NFIB: variants seen among roughly 807,000 people sequenced by gnomAD.
NFIB encodes nuclear factor I B, also known as nuclear factor 1 B-type.
In NFIB, 11 loss-of-function variants were observed where a neutral mutation model predicts 61.5. The ratio of observed to expected loss-of-function variants is 0.18; its 90% CI spans 0.11 to 0.30. NFIB has a LOEUF of 0.30. Among genes scored for constraint, NFIB ranks in the 10% least tolerant of loss-of-function variants. The probability of loss-of-function intolerance (pLI) is 1.00; values close to 1 mark genes in which losing one functional copy is unlikely to be tolerated. For missense variants in NFIB, 471 were observed against 608.9 expected, an observed-to-expected ratio of 0.77 and a Z score of 2.38; for synonymous variants, 260 against 216.5, an observed-to-expected ratio of 1.20 and a Z score of -1.76.
At chr9:14,217,686 CAA>C (rs2051102022) in intron 2 of NFIB, among the ~76,000 whole-genome samples, 2 of 109,088 alleles carry the variant, frequency 1.8e-5, no homozygotes, top group Admixed American at 1.9e-4. Context: ...AAAAAAGACA[CAA>C]ACTAAGCAAA....
chr9:14,477,767 G>A, the NFIB span, among the ~76,000 whole-genome samples: 4 of 152,220 alleles, frequency 2.6e-5, no homozygotes, highest in East Asian at 1.9e-4. Flanking sequence ...GTATTCAGAA[G>A]ATGTATAGAT....
At chr9:14,375,785 T>A (rs1231960751) in intron 1 of NFIB, among the ~76,000 whole-genome samples, 1 of 152,132 alleles carries the variant, frequency 6.6e-6, no homozygotes, top group Non-Finnish European at 1.5e-5. Context: ...AAAATTACTG[T>A]CCCAAATGAA....
rs540554302 is a variant in NFIB at position 14,252,487 on chromosome 9, G to A, written c.562+54502C>T. Reference sequence around the variant, plus strand: ...AAAGTTTTAACTGCTGAGAAATAATGGGCAGCAAGGTAAAGAAGTGTCATG... The same window carrying A: ...AAAGTTTTAACTGCTGAGAAATAATAGGCAGCAAGGTAAAGAAGTGTCATG... On this transcript the variant is annotated intron_variant, in intron 2 of 10. Coordinates refer to ENST00000380953, the MANE Select transcript of NFIB (RefSeq NM_001190737.2). Among the ~76,000 whole-genome samples the A allele has an allele frequency of 5.3e-5, 8 of 151,870 alleles. No homozygotes were observed. In the South Asian group the frequency reaches 1.5e-3, roughly 28 times the overall value.
chr9:14,500,972 T>C, the NFIB span, among the ~76,000 whole-genome samples: 2 of 152,340 alleles, frequency 1.3e-5, no homozygotes, highest in African/African-American at 4.8e-5. Flanking sequence ...TTTCAGTTCC[T>C]CTCCTAGTCG....
chr9:14,228,582 T>A, intron 2 of NFIB, among the ~76,000 whole-genome samples: 1 of 152,222 alleles, frequency 6.6e-6, no homozygotes, highest in East Asian at 1.9e-4. Context: ...ACAGTAAACA[T>A]TTAATTGTTC....
At position 14,285,404 on chromosome 9, in the gene NFIB, G is replaced by C. The variant is rs142317215; in HGVS notation, c.562+21585C>G. On this transcript the variant is annotated intron_variant, in intron 2 of 10. Transcript: ENST00000380953. Reference sequence around the variant, plus strand: ...CCCAAAGTGCTGGGATTACAGGCGTGAGCCATCGCGCCCAGTCCTATTTCA... The same window carrying C: ...CCCAAAGTGCTGGGATTACAGGCGTCAGCCATCGCGCCCAGTCCTATTTCA... Among the ~76,000 whole-genome samples the C allele has an allele frequency of 7.1e-3, 1,077 of 152,332 alleles. 15 individuals carry two copies. The highest frequency in any genetic ancestry group is 0.024 in the African/African-American group (994 of 41,582).
At chr9:14,518,005 A>G in the NFIB span, among the ~76,000 whole-genome samples, 1 of 152,234 alleles carries the variant, frequency 6.6e-6, no homozygotes, top group Admixed American at 6.5e-5. Context: ...AACTAGATGT[A>G]AACTCCACAA....
At chr9:14,246,352 G>C (rs952531603) in intron 2 of NFIB, among the ~76,000 whole-genome samples, 1 of 152,096 alleles carries the variant, frequency 6.6e-6, no homozygotes, top group Non-Finnish European at 1.5e-5. Context: ...TTAGGTACAG[G>C]AAGTCACTAC....
At chr9:14,455,213 G>C in the NFIB span, among the ~76,000 whole-genome samples, 5 of 152,312 alleles carry the variant, frequency 3.3e-5, no homozygotes, top group South Asian at 8.3e-4. Context: ...GTGCAAAGTA[G>C]TAAAAATCTG....
At chr9:14,139,175 A>C (rs532311221) in intron 6 of NFIB, among the ~76,000 whole-genome samples, 2 of 152,308 alleles carry the variant, frequency 1.3e-5, no homozygotes, top group South Asian at 4.1e-4. Context: ...TTGAACAAAG[A>C]TCTAGGCTCT....
At chr9:14,398,777 G>GC in exon 1 of NFIB, 1 of 577,944 alleles carries the variant, frequency 1.7e-6, no homozygotes, top group Non-Finnish European at 3.0e-6. Flanking sequence ...GAGTTTGAGG[G>GC]TGACTGATGG....
chr9:14,185,596 T>A (rs541581462), intron 2 of NFIB, among the ~76,000 whole-genome samples: 7 of 152,328 alleles, frequency 4.6e-5, no homozygotes, highest in African/African-American at 1.4e-4. Context: ...TTTAGCCTTA[T>A]AGCCCTAATC....
At chr9:14,476,101 T>C in the NFIB span, among the ~76,000 whole-genome samples, 4 of 152,314 alleles carry the variant, frequency 2.6e-5, no homozygotes, top group East Asian at 7.7e-4. Flanking sequence ...GACAGAAAAG[T>C]GAAATCAATA....
intron 2 of NFIB, among the ~76,000 whole-genome samples, chr9:14,300,984 T>C (rs2059719421): frequency 6.6e-6 from 1 of 152,260 alleles, no homozygotes; most frequent in African/African-American, 2.4e-5. Context: ...CAACTTTAAC[T>C]TCCTTATGAC....
chr9:14,110,645 T>G (rs528264844), intron 10 of NFIB, among the ~76,000 whole-genome samples: 2 of 152,234 alleles, frequency 1.3e-5, no homozygotes, highest in South Asian at 4.1e-4. Flanking sequence ...TCATTTCTAC[T>G]GAAGGAAAGA....
the NFIB span, among the ~76,000 whole-genome samples, chr9:14,486,285 C>T: frequency 6.6e-6 from 1 of 152,076 alleles, no homozygotes; most frequent in South Asian, 2.1e-4. Flanking sequence ...GGGCAGAACC[C>T]TCAAGAGTAG....
At chr9:14,171,507 G>C (rs887133322) in intron 3 of NFIB, among the ~76,000 whole-genome samples, 1 of 152,082 alleles carries the variant, frequency 6.6e-6, no homozygotes, top group Non-Finnish European at 1.5e-5. Context: ...GTGTTCAGAG[G>C]TCAAATAAGG....
intron 1 of NFIB, among the ~76,000 whole-genome samples, chr9:14,312,672 T>C (rs1043605640): frequency 4.6e-5 from 7 of 152,174 alleles, no homozygotes; most frequent in African/African-American, 1.7e-4. Flanking sequence ...TTTCATAACA[T>C]TATTCCTAAG....
chr9:14,333,787 T>C (rs2060850174), intron 1 of NFIB, among the ~76,000 whole-genome samples: 1 of 152,164 alleles, frequency 6.6e-6, no homozygotes, highest in South Asian at 2.1e-4. Context: ...GCTAAATGTA[T>C]TTTCCATGTC....
Sources: gnomAD v4.1 joint callset for allele counts (sites outside exome capture counted in the v4.1 genomes callset) on GRCh38, gnomAD v4.1.1 for gene constraint, MANE v1.5 for transcripts, NCBI Gene and HGNC (gene_info 2026-07-23, HGNC 2026-07-21) for gene names.